UHRF2: variants seen among roughly 807,000 people sequenced by gnomAD.
The protein encoded by UHRF2 is ubiquitin like with PHD and ring finger domains 2.
UHRF2 carries 23 observed loss-of-function variants against 96.8 expected under a neutral mutation model. The ratio of observed to expected loss-of-function variants is 0.24; its 90% CI spans 0.17 to 0.34. UHRF2 has a LOEUF of 0.34. Among genes scored for constraint, UHRF2 ranks in the 10% least tolerant of loss-of-function variants. The pLI, the probability that UHRF2 is intolerant of heterozygous loss-of-function variation, is 1.00. For missense variants in UHRF2, 685 were observed against 981.5 expected (o/e 0.70, Z 4.04); for synonymous variants, 385 against 332.6 (o/e 1.16, Z -1.72).
chr9:6,420,720 A>AAGAG (rs539400537), intron 1 of UHRF2, among the ~76,000 whole-genome samples, 192 bp from the exon 2 acceptor site: 1 of 151,472 alleles, frequency 6.6e-6, no homozygotes, highest in Non-Finnish European at 1.5e-5. Context: ...AAAAAAAAAA[A>AAGAG]AGAGAGAGAG....
chr9:6,466,835 C>G (rs550401270), intron 4 of UHRF2, among the ~76,000 whole-genome samples: 8 of 152,316 alleles, frequency 5.3e-5, no homozygotes, highest in African/African-American at 1.4e-4. Flanking sequence ...TACACAGATA[C>G]TCATTTGACT....
At chr9:6,450,999 T>A (rs1047625488) in intron 3 of UHRF2, among the ~76,000 whole-genome samples, 2 of 152,212 alleles carry the variant, frequency 1.3e-5, no homozygotes, top group African/African-American at 4.8e-5. Context: ...TATTGATAGT[T>A]CCAATTAAAT....
chr9:6,461,557 G>C (rs890964176), intron 4 of UHRF2, among the ~76,000 whole-genome samples: 6 of 151,624 alleles, frequency 4.0e-5, no homozygotes, highest in Non-Finnish European at 7.4e-5. Flanking sequence ...ATTTTTAGTA[G>C]AGATGGGGTT....
intron 3 of UHRF2, among the ~76,000 whole-genome samples, chr9:6,448,191 G>C (rs894155175): frequency 6.6e-6 from 1 of 152,134 alleles, no homozygotes; most frequent in Non-Finnish European, 1.5e-5. Context: ...GAGTACCTAA[G>C]ATGTCTGAAC....
At chr9:6,442,720 G>C (rs1394559930) in intron 3 of UHRF2, among the ~76,000 whole-genome samples, 4 of 151,738 alleles carry the variant, frequency 2.6e-5, no homozygotes, top group Non-Finnish European at 5.9e-5. Context: ...TCGAACTCCA[G>C]GCTCAAGCAA....
chr9:6,488,749 A>G (rs1212327735), intron 9 of UHRF2, among the ~76,000 whole-genome samples: 1 of 149,418 alleles, frequency 6.7e-6, no homozygotes, highest in Non-Finnish European at 1.5e-5. Flanking sequence ...TGATCTGCCC[A>G]CCTCGGCTTC....
intron 3 of UHRF2, among the ~76,000 whole-genome samples, chr9:6,454,388 T>A (rs147475929): frequency 7.9e-5 from 12 of 152,316 alleles, no homozygotes; most frequent in African/African-American, 2.9e-4. Flanking sequence ...GGCAGGGACA[T>A]TTAGGCTAAG....
At chr9:6,422,458 A>T (rs1266291312) in intron 2 of UHRF2, among the ~76,000 whole-genome samples, 1 of 152,138 alleles carries the variant, frequency 6.6e-6, no homozygotes, top group South Asian at 2.1e-4. Flanking sequence ...ATATTTGCAT[A>T]CAAAAAACTG....
intron 14 of UHRF2, among the ~76,000 whole-genome samples, chr9:6,503,238 C>T (rs1205157864): frequency 6.6e-6 from 1 of 152,154 alleles, no homozygotes; most frequent in Non-Finnish European, 1.5e-5. Flanking sequence ...TCAAATGATC[C>T]ACCCGCCTCA....
chr9:6,416,828 A>T (rs1239991975), intron 1 of UHRF2, among the ~76,000 whole-genome samples: 1 of 152,106 alleles, frequency 6.6e-6, no homozygotes, highest in African/African-American at 2.4e-5. Context: ...CGCCCGGCCT[A>T]AATCTTTTGA....
chr9:6,448,681 A>G (rs1029064155), intron 3 of UHRF2, among the ~76,000 whole-genome samples: 1 of 152,224 alleles, frequency 6.6e-6, no homozygotes, highest in African/African-American at 2.4e-5. Flanking sequence ...TTAACAACAA[A>G]AAATACAAAG....
At chr9:6,492,587 A>G (rs1824723323) in intron 9 of UHRF2, 1 of 155,244 alleles carries the variant, frequency 6.4e-6, no homozygotes, top group Admixed American at 6.5e-5. Context: ...ATCCAAGGGA[A>G]AAACAAAGTA....
Position 6,413,616 on chromosome 9 carries a change from C to A in UHRF2, c.126C>A (p.Cys42Ter). ...CGCTGTTCGACGTGCGGCCCGAATG[C>A]CAGCGCCTCTTCTACCGGGGCAAGC... ...VWALFDVRPE[C>*]QRLFYRGKQL... The change falls in exon 1 of 16, where the codon TGC becomes TGA. Residue 42 changes from cysteine to a stop codon, truncating the protein, a stop_gained. Coordinates refer to ENST00000276893, the MANE Select transcript of UHRF2 (RefSeq NM_152896.3). LOFTEE classifies it high-confidence loss of function. 1 of 1,597,624 alleles carries A rather than the reference C, an allele frequency of 6.3e-7. No homozygotes were observed. Among genetic ancestry groups the A allele is most frequent in the Middle Eastern group, 1.8e-4 (1 of 5,628 alleles).
intron 2 of UHRF2, chr9:6,422,543 T>C: frequency 2.2e-6 from 1 of 459,344 alleles, no homozygotes; most frequent in East Asian, 3.4e-5. Flanking sequence ...GCTTGGAGAA[T>C]CGACATCTTT....
chr9:6,479,541 C>T (rs967074831), intron 6 of UHRF2, among the ~76,000 whole-genome samples: 2 of 152,102 alleles, frequency 1.3e-5, no homozygotes, highest in Non-Finnish European at 2.9e-5. Context: ...TAGATGATCT[C>T]GTCCAATTAT....
In UHRF2 at chr9:6,460,555, G is replaced by A. The variant is rs1173489798; in HGVS notation, c.645-18G>A. ...TGTCTTTGGTAATCATAAGCCATAT[G>A]GTTTTCTCTCTCCTCAGATACCCAG... On this transcript the variant is annotated intron_variant, in intron 3 of 15. Transcript: ENST00000276893. 2 of 1,579,020 alleles carry A rather than the reference G, an allele frequency of 1.3e-6. No individual in the cohort carries two copies. Among genetic ancestry groups the A allele is most frequent in the Non-Finnish European group, 1.7e-6 (2 of 1,158,586 alleles).
intron 2 of UHRF2, among the ~76,000 whole-genome samples, chr9:6,432,356 T>C (rs975952154): frequency 1.3e-5 from 2 of 152,190 alleles, no homozygotes; most frequent in African/African-American, 4.8e-5. Context: ...TCTGTCATTT[T>C]GTGGTTTGAA....
Position 6,458,017 on chromosome 9 carries a change from C to T in UHRF2, c.645-2556C>T, listed in dbSNP as rs1563772187. ...GTTTTGGTATCAGGATGATGTTGGC[C>T]TCATAAAATGAGTTAGGGAGGAGTC... On this transcript the variant is annotated intron_variant, in intron 3 of 15. Coordinates refer to ENST00000276893, the MANE Select transcript of UHRF2 (RefSeq NM_152896.3). 5.9e-5 allele frequency among the ~76,000 whole-genome samples: 9 copies of T among 152,222 alleles called. No individual in the cohort carries two copies. In the South Asian group the frequency reaches 1.9e-3, roughly 32 times the overall value.
chr9:6,465,938 G>GA (rs1248761086), intron 4 of UHRF2, among the ~76,000 whole-genome samples: 1 of 151,902 alleles, frequency 6.6e-6, no homozygotes, highest in Non-Finnish European at 1.5e-5. Flanking sequence ...TTTTAGCTTT[G>GA]AAAAAAATTG....
Sources: gnomAD v4.1 joint callset for allele counts (sites outside exome capture counted in the v4.1 genomes callset) on GRCh38, gnomAD v4.1.1 for gene constraint, MANE v1.5 for transcripts, NCBI Gene and HGNC (gene_info 2026-07-23, HGNC 2026-07-21) for gene names.